The following ADK variants were observed in gnomAD, a reference collection of about 807,000 sequenced individuals.
ADK encodes N6,N6-dimethyladenosine kinase.
In ADK, 24 loss-of-function variants were observed where a neutral mutation model predicts 44.7. That is an observed-to-expected ratio of 0.54 (90% CI 0.39 to 0.76). The LOEUF (loss-of-function observed/expected upper bound fraction) is 0.76. Ranked by LOEUF, ADK falls within the 30% of genes least tolerant of loss-of-function variation. ADK has a pLI of 0.00. For synonymous variants in ADK, 128 were observed against 142.6 expected (o/e 0.90, Z 0.73); for missense variants, 321 against 425.1 (o/e 0.76, Z 2.15).
chr10:74,354,497 C>G (rs1291187094), intron 4 of ADK, among the ~76,000 whole-genome samples: 1 of 152,140 alleles, frequency 6.6e-6, no homozygotes, highest in Non-Finnish European at 1.5e-5. Flanking sequence ...TACGTACCAG[C>G]TTTGGAATAC....
intron 2 of ADK, among the ~76,000 whole-genome samples, chr10:74,201,708 C>G (rs111419785): frequency 4.7e-5 from 7 of 150,378 alleles, no homozygotes; most frequent in Middle Eastern, 3.5e-3. Flanking sequence ...ATCTATCTAT[C>G]TATCTATCTA....
chr10:74,502,187 C>T (rs552256034), intron 6 of ADK, among the ~76,000 whole-genome samples: 1 of 151,914 alleles, frequency 6.6e-6, no homozygotes, highest in African/African-American at 2.4e-5. Context: ...GGATTTTTAG[C>T]CCAGTGATTT....
At chr10:74,570,966 A>G (rs1040880837) in intron 7 of ADK, among the ~76,000 whole-genome samples, 5 of 152,214 alleles carry the variant, frequency 3.3e-5, no homozygotes, top group Non-Finnish European at 5.9e-5. Flanking sequence ...CGTCCCATCA[A>G]TACCTAATTT....
intron 10 of ADK, among the ~76,000 whole-genome samples, chr10:74,677,451 T>C (rs1855433178): frequency 6.6e-6 from 1 of 152,224 alleles, no homozygotes; most frequent in African/African-American, 2.4e-5. Context: ...CAAACATTTA[T>C]AGCTTCCTTC....
chr10:74,237,030 G>A (rs1844991405), intron 3 of ADK, among the ~76,000 whole-genome samples: 1 of 152,210 alleles, frequency 6.6e-6, no homozygotes, highest in South Asian at 2.1e-4. Context: ...GAAGGTTGGA[G>A]TGTCTGTGGC....
chr10:74,556,941 C>T (rs1442980903), intron 7 of ADK, among the ~76,000 whole-genome samples: 1 of 152,184 alleles, frequency 6.6e-6, no homozygotes, highest in Non-Finnish European at 1.5e-5. Flanking sequence ...ACATACCCCT[C>T]TTACTGTGAC....
intron 7 of ADK, among the ~76,000 whole-genome samples, chr10:74,555,185 C>T (rs951376514): frequency 6.6e-6 from 1 of 152,140 alleles, no homozygotes; most frequent in Non-Finnish European, 1.5e-5. Flanking sequence ...CTCAGATCTC[C>T]AGAGGTTGAG....
At chr10:74,617,858 C>T (rs967963299) in intron 9 of ADK, among the ~76,000 whole-genome samples, 6 of 152,264 alleles carry the variant, frequency 3.9e-5, no homozygotes, top group East Asian at 1.9e-4. Flanking sequence ...TCCCATAGTG[C>T]GGGGATTACA....
intron 4 of ADK, 51 bp from the exon 5 acceptor site, chr10:74,394,088 CTA>C (rs1250098256): frequency 2.3e-5 from 36 of 1,555,754 alleles, no homozygotes; most frequent in African/African-American, 2.3e-4. Flanking sequence ...GAATATTAAA[CTA>C]TGTGTACCAT....
intron 6 of ADK, among the ~76,000 whole-genome samples, chr10:74,440,570 C>T (rs1277504154): frequency 6.6e-6 from 1 of 151,948 alleles, no homozygotes; most frequent in Non-Finnish European, 1.5e-5. Context: ...AAATGATCTA[C>T]CATTATGTTC....
At chr10:74,374,839 A>T (rs924202558) in intron 4 of ADK, among the ~76,000 whole-genome samples, 1 of 152,064 alleles carries the variant, frequency 6.6e-6, no homozygotes, top group Non-Finnish European at 1.5e-5. Flanking sequence ...AAGAAACAGC[A>T]TATCTGTTAT....
chr10:74,336,038 T>G (rs1841399081), intron 4 of ADK, among the ~76,000 whole-genome samples: 1 of 152,184 alleles, frequency 6.6e-6, no homozygotes, highest in Admixed American at 6.5e-5. Context: ...TATGTACTTT[T>G]AAAATGGATT....
At chr10:74,432,658 A>G (rs1006009632) in intron 6 of ADK, among the ~76,000 whole-genome samples, 1 of 152,152 alleles carries the variant, frequency 6.6e-6, no homozygotes, top group Non-Finnish European at 1.5e-5. Flanking sequence ...AACGTCTGTT[A>G]CTTATAGGAC....
chr10:74,333,862 G>A (rs1209214648), intron 4 of ADK, among the ~76,000 whole-genome samples: 2 of 152,104 alleles, frequency 1.3e-5, no homozygotes, highest in Non-Finnish European at 1.5e-5. Context: ...TATGCAGAAA[G>A]GGACACCAGG....
At chr10:74,219,025 C>T (rs527278292) in intron 2 of ADK, among the ~76,000 whole-genome samples, 2 of 152,052 alleles carry the variant, frequency 1.3e-5, no homozygotes, top group Non-Finnish European at 2.9e-5. Flanking sequence ...ACAATATTAA[C>T]TTTAAATGTA....
At chr10:74,491,955 T>A (rs987050737) in intron 6 of ADK, among the ~76,000 whole-genome samples, 5 of 152,338 alleles carry the variant, frequency 3.3e-5, no homozygotes, top group African/African-American at 1.2e-4. Flanking sequence ...TTAGTTTTTT[T>A]AATTTTAACT....
intron 4 of ADK, among the ~76,000 whole-genome samples, chr10:74,377,223 A>G (rs1323024614): frequency 6.6e-6 from 1 of 152,226 alleles, no homozygotes; most frequent in East Asian, 1.9e-4. Flanking sequence ...CTTAAAAATC[A>G]TGAGATCTGT....
intron 10 of ADK, among the ~76,000 whole-genome samples, chr10:74,687,973 C>T (rs886341755): frequency 3.3e-5 from 5 of 152,128 alleles, no homozygotes; most frequent in African/African-American, 1.2e-4. Context: ...ACAACCTTTC[C>T]GTTGCTTCTC....
At chr10:74,703,780 A>C (rs929116820) in intron 10 of ADK, among the ~76,000 whole-genome samples, 1 of 152,220 alleles carries the variant, frequency 6.6e-6, no homozygotes, top group African/African-American at 2.4e-5. Context: ...CCTTATTCTC[A>C]GAAAAGATAC....
Sources: allele counts gnomAD v4.1 joint callset (sites outside exome capture counted in the v4.1 genomes callset), GRCh38; gene constraint gnomAD v4.1.1; transcripts MANE v1.5; gene names NCBI Gene and HGNC (gene_info 2026-07-23, HGNC 2026-07-21).